EXOSC10: variants seen among roughly 807,000 people sequenced by gnomAD.
The protein encoded by EXOSC10 is exosome complex component 10.
Under a neutral mutation model 126.6 loss-of-function variants are expected in EXOSC10, and 94 were observed. That is an observed-to-expected ratio of 0.74 (90% CI 0.63 to 0.88). The LOEUF is 0.88. EXOSC10 is among the 40% of genes least tolerant of loss of function. The pLI is 0.00. For synonymous variants in EXOSC10, 395 were observed against 400.8 expected (o/e 0.99, Z 0.17); for missense variants, 1,041 against 1,100.5 (o/e 0.95, Z 0.77).
chr1:11,066,812 A>T, intron 24 of EXOSC10, 64 bp from the exon 25 acceptor site: 2 of 1,577,814 alleles, frequency 1.3e-6, no homozygotes, highest in East Asian at 4.5e-5. Flanking sequence ...CAGATGGTTT[A>T]CAAAATGGTG....
rs145660934 is a variant in EXOSC10, at chr1:11,067,747, C to T, written c.2627+261G>A. ...TTCCCTGAGGTGACCCCAGGACACA[C>T]GGTAACTAGAGAGCCAGGAACAAGG... is the stretch of plus-strand genomic sequence containing the variant. On this transcript the variant is annotated intron_variant, in intron 24 of 24. Transcript: ENST00000376936. 1.4e-3 allele frequency among the ~76,000 whole-genome samples: 220 copies of T among 152,250 alleles called. 1 individual carries two copies. Among genetic ancestry groups the T allele is most frequent in the Middle Eastern group, 6.8e-3 (2 of 292 alleles).
At chr1:11,083,806 T>C (rs1640328198) in intron 9 of EXOSC10, among the ~76,000 whole-genome samples, 1 of 147,792 alleles carries the variant, frequency 6.8e-6, no homozygotes, top group Non-Finnish European at 1.5e-5. Context: ...GTCCCCAGAG[T>C]GTGATGTTCC....
intron 16 of EXOSC10, 189 bp from the exon 17 acceptor site, chr1:11,077,137 G>A: frequency 1.6e-6 from 1 of 619,278 alleles, no homozygotes; most frequent in Non-Finnish European, 2.8e-6. Flanking sequence ...GATTACAGGT[G>A]CCCACCACCA....
At chr1:11,076,983 C>T (rs2100969407) in intron 16 of EXOSC10, 35 bp from the exon 17 acceptor site, 10 of 1,539,222 alleles carry the variant, frequency 6.5e-6, no homozygotes, top group Non-Finnish European at 9.0e-6. Flanking sequence ...TCAAAGCCTA[C>T]AGAATTTTGT....
At chr1:11,071,314 G>A (rs1008966179) in intron 20 of EXOSC10, 2 of 297,584 alleles carry the variant, frequency 6.7e-6, no homozygotes, top group African/African-American at 4.3e-5. Context: ...TACTTTGGCT[G>A]CCAGCAACTC....
At chr1:11,078,339 G>C (rs1639941610) in intron 14 of EXOSC10, among the ~76,000 whole-genome samples, 1 of 151,040 alleles carries the variant, frequency 6.6e-6, no homozygotes, top group African/African-American at 2.4e-5. Context: ...CTCACTGCAA[G>C]CTCCGCCTCC....
rs751165489 is a variant in EXOSC10, at chr1:11,091,061, A to G, written c.596T>C (p.Leu199Pro). Residue 199 changes from leucine to proline, a missense_variant, in exon 5 of 25, where the codon CTT becomes CCT. Transcript: ENST00000376936. Reference protein sequence around the residue: ...EKIDNSNTPFLPKIFIKPNAQ... With the variant: ...EKIDNSNTPFPPKIFIKPNAQ... ...ATTGGGTTTGATGAAGATTTTAGGA[A>G]GAAATGGTGTGTTGGAATTGTCAAT... 3.7e-6 allele frequency: 6 copies of G among 1,614,222 alleles called. No homozygotes were observed. The Admixed American group carries it at 1.0e-4, about 27-fold the overall frequency.
Position 11,082,830 on chromosome 1 carries a change from CA to C in EXOSC10, c.1137del (p.Phe379LeufsTer5). ...DSDIEWLQKD[F>X]GLYVVNMFDT... ...TCAAACATGTTTACTACATACAACC[CA>C]AAGTCTTTCTGTAGCCATTCTATGT... On this transcript the variant is annotated frameshift_variant, in exon 10 of 25. Coordinates refer to ENST00000376936, the MANE Select transcript of EXOSC10 (RefSeq NM_001001998.3). LOFTEE classifies it high-confidence loss of function. The C allele has an allele frequency of 6.2e-7, 1 of 1,614,184 alleles. No individual in the cohort carries two copies. Among genetic ancestry groups the C allele is most frequent in the Non-Finnish European group, 8.5e-7 (1 of 1,180,040 alleles).
chr1:11,095,197 G>A (rs1282196932), intron 3 of EXOSC10, among the ~76,000 whole-genome samples: 2 of 132,756 alleles, frequency 1.5e-5, no homozygotes, highest in Non-Finnish European at 3.1e-5. Context: ...GGGCAACCAA[G>A]CAAGACTCCG....
intron 2 of EXOSC10, among the ~76,000 whole-genome samples, chr1:11,096,491 T>TA (rs1307824870): frequency 9.5e-6 from 1 of 104,968 alleles, no homozygotes; most frequent in Admixed American, 1.1e-4. Context: ...TTTTTTTTTT[T>TA]AAAGAGACAG....
At chr1:11,095,147 G>A (rs917808158) in intron 3 of EXOSC10, among the ~76,000 whole-genome samples, 3 of 150,986 alleles carry the variant, frequency 2.0e-5, no homozygotes, top group Non-Finnish European at 1.5e-5. Flanking sequence ...GGGAGGTGGA[G>A]GTTGCAGTGA....
chr1:11,077,725 G>GGTGAAGGAATACAGTCAGC, intron 14 of EXOSC10, 74 bp from the exon 15 acceptor site: 3 of 1,286,030 alleles, frequency 2.3e-6, no homozygotes, highest in Non-Finnish European at 3.3e-6. Context: ...CTCCAGCGCT[G>GGTGAAGGAATACAGTCAGC]ACTGTATTCC....
In EXOSC10 at chr1:11,068,627, T is replaced by A. The variant is rs1450437107; in HGVS notation, c.2550+18A>T. 5.6e-6 allele frequency: 9 copies of A among 1,611,160 alleles called. No individual in the cohort carries two copies. In the South Asian group the frequency reaches 9.9e-5, roughly 18 times the overall value. ...AGGCGCCACCAGCGTGCTAAAATCC[T>A]CCAGGAGCAGTTCTTACCTTGCCAG... On this transcript the variant is annotated intron_variant, in intron 23 of 24. Coordinates refer to ENST00000376936, the MANE Select transcript of EXOSC10 (RefSeq NM_001001998.3).
In EXOSC10 at chr1:11,074,281, G is replaced by C. The variant is rs1330619368; in HGVS notation, c.2032C>G (p.Gln678Glu). The C allele has an allele frequency of 1.9e-6, 3 of 1,613,998 alleles. No individual in the cohort carries two copies. The highest frequency in any genetic ancestry group is 1.3e-5 in the African/African-American group (1 of 74,904). Reference protein sequence around the residue: ...DSKKGPLTVAQKKAQNIMESF... With the variant: ...DSKKGPLTVAEKKAQNIMESF... ...TCCATGATGTTCTGGGCTTTTTTCT[G>C]TGCAACTGTCAATGGACCCTTTTTA... is the stretch of plus-strand genomic sequence containing the variant. Residue 678 changes from glutamine to glutamate, a missense_variant, in exon 18 of 25, where the codon CAG becomes GAG. Around this residue, in one of 3 missense-constraint regions of EXOSC10, gnomAD observed 388 missense variants for 415.2 expected, o/e 0.93. Coordinates refer to ENST00000376936, the MANE Select transcript of EXOSC10 (RefSeq NM_001001998.3).
chr1:11,067,975 G>A (rs373055187), intron 24 of EXOSC10, 33 bp downstream of exon 24: 4 of 1,599,044 alleles, frequency 2.5e-6, no homozygotes, highest in Admixed American at 1.7e-5. Context: ...TTCTCACTGG[G>A]CTCCCTGGGC....
Position 11,098,112 on chromosome 1 carries a change from G to T in EXOSC10, c.156C>A (p.Gly52=). The T allele has an allele frequency of 6.2e-7, 1 of 1,612,178 alleles. No homozygotes were observed. The highest frequency in any genetic ancestry group is 8.5e-7 in the Non-Finnish European group (1 of 1,179,522). ...CATACTCATCGCCAAACTGTGGTAG[G>T]CCCCCAGATGCCTTGGTGACTGCCA... The part of the protein sequence containing the change: ...SVVAVTKASG[G]LPQFGDEYDF... The change falls in exon 2 of 25, where the codon GGC becomes GGA. Residue 52 remains glycine, a synonymous_variant. Coordinates refer to ENST00000376936, the MANE Select transcript of EXOSC10 (RefSeq NM_001001998.3).
chr1:11,099,576 A>G (rs1641314902), intron 1 of EXOSC10, 145 bp downstream of exon 1: 1 of 832,928 alleles, frequency 1.2e-6, no homozygotes, highest in Non-Finnish European at 1.8e-6. Context: ...AGGGTGCAGG[A>G]GAGTCTGCGC....
rs781152968 is a variant in EXOSC10 at position 11,098,082 on chromosome 1, A to G, written c.186T>C (p.Phe62=). The G allele has an allele frequency of 3.7e-6, 6 of 1,612,016 alleles. No individual in the cohort carries two copies. The Admixed American group carries it at 8.4e-5, about 23-fold the overall frequency. The change falls in exon 2 of 25, where the codon TTT becomes TTC. Residue 62 remains phenylalanine (F), a synonymous_variant. Coordinates refer to ENST00000376936, the MANE Select transcript of EXOSC10 (RefSeq NM_001001998.3). ...GLPQFGDEYD[F]YRSFPGFQAF... ...CTTGGAAGCCAGGAAAACTTCGGTA[A>G]AAATCATACTCATCGCCAAACTGTG...
At chr1:11,071,015 C>T in intron 20 of EXOSC10, 42 bp from the exon 21 acceptor site, 2 of 1,569,222 alleles carry the variant, frequency 1.3e-6, no homozygotes. Context: ...GTGAATCCAG[C>T]AACCACCCTC....
Sources: allele counts gnomAD v4.1 joint callset (sites outside exome capture counted in the v4.1 genomes callset), GRCh38; gene constraint gnomAD v4.1.1; regional missense constraint gnomAD v4.1.1; transcripts MANE v1.5; gene names NCBI Gene and HGNC (gene_info 2026-07-23, HGNC 2026-07-21).